The following NFATC1 variants were observed in gnomAD, a reference collection of about 807,000 sequenced individuals.
NFATC1 encodes the protein nuclear factor of activated T cells 1.
Under a neutral mutation model 76.0 loss-of-function variants are expected in NFATC1, and 22 were observed. The observed-to-expected ratio is 0.29, with a 90% CI of 0.21 to 0.41. The LOEUF is 0.41. NFATC1 is among the 10% of genes least tolerant of loss of function. The probability of loss-of-function intolerance (pLI) is 1.00; values close to 1 mark genes in which losing one functional copy is unlikely to be tolerated. For synonymous variants in NFATC1, 704 were observed against 613.1 expected, an observed-to-expected ratio of 1.15 and a Z score of -2.19; for missense variants, 1,357 against 1,337.7, an observed-to-expected ratio of 1.01 and a Z score of -0.23.
intron 9 of NFATC1, chr18:79,497,486 G>A (rs970283339): frequency 6.6e-6 from 1 of 152,246 alleles, no homozygotes; most frequent in African/African-American, 2.4e-5. Flanking sequence ...TGGTCATGGA[G>A]CTCCTGGAAA....
At chr18:79,520,786 T>TGTGTGGG (rs1555925341) in intron 9 of NFATC1, among the ~76,000 whole-genome samples, 1 of 37,888 alleles carries the variant, frequency 2.6e-5, no homozygotes, top group African/African-American at 1.3e-4. Flanking sequence ...TGTGTGTGTG[T>TGTGTGGG]GGGGGGGCAT....
chr18:79,526,261 G>A lies in NFATC1; in HGVS notation c.2783-1267G>A, dbSNP rs573117411. On this transcript the variant is annotated intron_variant, in intron 9 of 9. Transcript: ENST00000427363. ...CCTTAGTGTTTGTGAAGAGTCACACGGAGGGGCGGGAGCCCGGGCTCCTTC... is the reference window on the plus strand; with the variant it reads ...CCTTAGTGTTTGTGAAGAGTCACACAGAGGGGCGGGAGCCCGGGCTCCTTC... Among the ~76,000 whole-genome samples the A allele has an allele frequency of 9.8e-5, 15 of 152,340 alleles. No individual in the cohort carries two copies. In the South Asian group the frequency reaches 1.7e-3, roughly 17 times the overall value.
At chr18:79,494,762 C>T (rs529311022) in intron 9 of NFATC1, among the ~76,000 whole-genome samples, 182 of 71,000 alleles carry the variant, frequency 2.6e-3, no homozygotes, top group Admixed American at 5.3e-3. Context: ...CTGGTACCGC[C>T]GGGGGAAGGC....
chr18:79,481,991 G>A (rs1234138737), intron 8 of NFATC1, among the ~76,000 whole-genome samples: 3 of 133,490 alleles, frequency 2.2e-5, no homozygotes, highest in Non-Finnish European at 4.8e-5. Context: ...GCGTGACCTG[G>A]TCCTGGGGTG....
chr18:79,400,284 G>A (rs867249060), intron 1 of NFATC1: 5 of 1,207,244 alleles, frequency 4.1e-6, no homozygotes, highest in Non-Finnish European at 5.2e-6. Context: ...GGGGACGGGG[G>A]GAGGGGCGGG....
At chr18:79,447,536 G>T (rs2087263826) in intron 3 of NFATC1, among the ~76,000 whole-genome samples, 1 of 152,224 alleles carries the variant, frequency 6.6e-6, no homozygotes, top group African/African-American at 2.4e-5. Flanking sequence ...CCGGGGCTGG[G>T]CGTTGCCACG....
intron 1 of NFATC1, among the ~76,000 whole-genome samples, chr18:79,404,169 G>A (rs952166508): frequency 6.6e-6 from 1 of 152,224 alleles, no homozygotes; most frequent in African/African-American, 2.4e-5. Context: ...CGGACCAGGG[G>A]GAATATTCCA....
At chr18:79,402,489 C>T in intron 1 of NFATC1, 2 of 761,632 alleles carry the variant, frequency 2.6e-6, no homozygotes, top group Non-Finnish European at 3.2e-6. Context: ...ACCCTGGGCC[C>T]TCCGGAGCTG....
chr18:79,490,494 A>G (rs1009438848), intron 9 of NFATC1, among the ~76,000 whole-genome samples: 1 of 152,070 alleles, frequency 6.6e-6, no homozygotes, highest in Admixed American at 6.5e-5. Context: ...TACAGGCCTG[A>G]CATTGCCGCC....
At chr18:79,448,357 G>A in intron 3 of NFATC1, 1 of 213,690 alleles carries the variant, frequency 4.7e-6, no homozygotes, top group South Asian at 7.5e-5. Flanking sequence ...GATCAGGAGT[G>A]GGAGCTGCGC....
At chr18:79,416,828 G>A (rs998672407) in intron 2 of NFATC1, among the ~76,000 whole-genome samples, 1 of 152,196 alleles carries the variant, frequency 6.6e-6, no homozygotes, top group Non-Finnish European at 1.5e-5. Flanking sequence ...GGAGTCCCCC[G>A]CACAACCTGT....
chr18:79,493,049 G>C (rs1247929074), intron 9 of NFATC1, among the ~76,000 whole-genome samples: 4 of 152,178 alleles, frequency 2.6e-5, no homozygotes, highest in Non-Finnish European at 5.9e-5. Context: ...TTTCCCCTCA[G>C]ACTTCTCGAG....
chr18:79,468,815 A>G, intron 8 of NFATC1: 1 of 152,476 alleles, frequency 6.6e-6, no homozygotes, highest in East Asian at 1.9e-4. Context: ...GGTGATGTGC[A>G]GCCCCCAGCC....
At chr18:79,478,120 C>A (rs2089149018) in intron 8 of NFATC1, among the ~76,000 whole-genome samples, 1 of 134,206 alleles carries the variant, frequency 7.5e-6, no homozygotes, top group East Asian at 2.8e-4. Flanking sequence ...CCCCCAGGCC[C>A]CCCCCCGCCC....
chr18:79,455,385 G>A (rs1017547640), intron 6 of NFATC1, among the ~76,000 whole-genome samples: 1 of 144,724 alleles, frequency 6.9e-6, no homozygotes, highest in Admixed American at 6.7e-5. Flanking sequence ...GACGGCCGGC[G>A]TCTCCTTCTC....
intron 8 of NFATC1, among the ~76,000 whole-genome samples, chr18:79,474,433 G>A (rs1183610142): frequency 1.3e-5 from 2 of 148,728 alleles, no homozygotes; most frequent in Non-Finnish European, 3.0e-5. Flanking sequence ...ACTTTGCAAG[G>A]GAAGCGTGTT....
intron 8 of NFATC1, chr18:79,468,033 G>A (rs2088608304): frequency 2.0e-6 from 2 of 979,660 alleles, no homozygotes; most frequent in South Asian, 4.7e-5. Flanking sequence ...GATGGTGAAT[G>A]AGCTTTGTGC....
intron 1 of NFATC1, among the ~76,000 whole-genome samples, chr18:79,404,442 C>T (rs1247831035): frequency 2.0e-5 from 3 of 152,208 alleles, no homozygotes; most frequent in Admixed American, 6.5e-5. Flanking sequence ...CTGCTAAGCA[C>T]ATTGCTTCCA....
rs150249025 is a variant in NFATC1 at position 79,486,936 on chromosome 18, C to T, written c.2781C>T (p.Asp927=). Residue 927 remains aspartate, a splice_region_variant and synonymous_variant, in exon 9 of 10, where the codon GAC becomes GAT. Transcript: ENST00000427363. ...AGTTGGACCAGTTGTACCTGGATGA[C>T]GGTGAGTGCCCGCAGCCATGCAGGT... The part of the protein sequence containing the change: ...PEELDQLYLD[D]VNEIIRNDLS... The T allele has an allele frequency of 2.0e-4, 325 of 1,588,702 alleles. No individual in the cohort carries two copies. Among genetic ancestry groups the T allele is most frequent in the Non-Finnish European group, 2.2e-4 (257 of 1,164,674 alleles).
Sources: gnomAD v4.1 joint callset for allele counts (sites outside exome capture counted in the v4.1 genomes callset) on GRCh38, gnomAD v4.1.1 for gene constraint, MANE v1.5 for transcripts, NCBI Gene and HGNC (gene_info 2026-07-23, HGNC 2026-07-21) for gene names.